Variants in IGSF10 observed in about 807,000 individuals in gnomAD.
IGSF10 encodes calvaria mechanical force protein 608.
Under a neutral mutation model 128.2 loss-of-function variants are expected in IGSF10, and 126 were observed. That is an observed-to-expected ratio of 0.98 (90% CI 0.85 to 1.14). The LOEUF is 1.14. IGSF10 is among the 50% of genes most tolerant of loss of function. IGSF10 has a pLI of 0.00. For synonymous variants in IGSF10, 1,185 were observed against 1,146.2 expected (o/e 1.03, Z -0.68); for missense variants, 3,295 against 3,149.8 (o/e 1.05, Z -1.10).
At position 151,453,413 on chromosome 3, in the gene IGSF10, C is replaced by T. The variant is rs764558798; in HGVS notation, c.686G>A (p.Trp229Ter). ...NPWTCDCHLKWLSDWIQEKPD... is the reference protein window; with the variant it reads ...NPWTCDCHLK Reference sequence around the variant, plus strand: ...CTTCTCCTGTATCCAGTCAGACAACCACTTTAAATGGCAATCACAGGTCCA... The same window carrying T: ...CTTCTCCTGTATCCAGTCAGACAACTACTTTAAATGGCAATCACAGGTCCA... Residue 229 changes from tryptophan to a stop codon, truncating the protein, a stop_gained, in exon 5 of 8, where the codon TGG (tryptophan) becomes TAG (stop). Transcript: ENST00000282466. LOFTEE classifies it high-confidence loss of function. 7 of 1,603,652 alleles carry T rather than the reference C, an allele frequency of 4.4e-6. No individual in the cohort carries two copies. Among genetic ancestry groups the T allele is most frequent in the African/African-American group, 1.3e-5 (1 of 74,198 alleles).
the IGSF10 span, among the ~76,000 whole-genome samples, chr3:151,493,856 C>G: frequency 2.1e-4 from 1 of 4,758 alleles, no homozygotes; most frequent in African/African-American, 9.9e-4. Context: ...GTTTAAAAAA[C>G]AAACAAACAA....
chr3:151,474,319 C>G, the IGSF10 span, among the ~76,000 whole-genome samples: 2 of 152,056 alleles, frequency 1.3e-5, no homozygotes, highest in South Asian at 4.1e-4. Flanking sequence ...TACCAAATAC[C>G]TTAAAGAAAT....
the IGSF10 span, among the ~76,000 whole-genome samples, chr3:151,509,697 T>A: frequency 6.6e-6 from 1 of 152,146 alleles, no homozygotes; most frequent in African/African-American, 2.4e-5. Flanking sequence ...ACCCGGGAAG[T>A]GCAAGGGGTT....
chr3:151,481,929 G>A, the IGSF10 span, among the ~76,000 whole-genome samples: 4 of 152,066 alleles, frequency 2.6e-5, no homozygotes, highest in Admixed American at 6.6e-5. Context: ...CTCAGTCATC[G>A]CTAACATTGA....
At chr3:151,570,210 T>C in the IGSF10 span, among the ~76,000 whole-genome samples, 1 of 152,212 alleles carries the variant, frequency 6.6e-6, no homozygotes, top group African/African-American at 2.4e-5. Flanking sequence ...TGCATGTGTC[T>C]TCATAGTAGC....
At chr3:151,441,073 C>T (rs1314508576) in intron 7 of IGSF10, among the ~76,000 whole-genome samples, 2 of 152,124 alleles carry the variant, frequency 1.3e-5, no homozygotes, top group Non-Finnish European at 2.9e-5. Flanking sequence ...CTTATTAAAA[C>T]AAAATCAGAG....
At chr3:151,546,941 T>G in the IGSF10 span, among the ~76,000 whole-genome samples, 2 of 152,116 alleles carry the variant, frequency 1.3e-5, no homozygotes, top group Admixed American at 6.5e-5. Flanking sequence ...CGGCTAATTT[T>G]TATATAATTA....
the IGSF10 span, among the ~76,000 whole-genome samples, chr3:151,573,127 C>A: frequency 6.6e-6 from 1 of 152,108 alleles, no homozygotes; most frequent in African/African-American, 2.4e-5. Flanking sequence ...TTTATATTTG[C>A]TGAGGAGTGC....
chr3:151,543,211 G>A, the IGSF10 span, among the ~76,000 whole-genome samples: 6 of 152,284 alleles, frequency 3.9e-5, no homozygotes, highest in Admixed American at 6.5e-5. Flanking sequence ...AGGTTCAGGG[G>A]TCTGGGTCCA....
At chr3:151,518,539 A>AG in the IGSF10 span, among the ~76,000 whole-genome samples, 1 of 152,054 alleles carries the variant, frequency 6.6e-6, no homozygotes, top group Non-Finnish European at 1.5e-5. Context: ...AATTGTCACC[A>AG]GAACAATTGC....
rs373062982 is a variant in IGSF10 at position 151,445,134 on chromosome 3, G to T, written c.4847C>A (p.Thr1616Lys). 1.4e-5 allele frequency: 23 copies of T among 1,614,036 alleles called. No individual in the cohort carries two copies. The highest frequency in any genetic ancestry group is 1.9e-5 in the Non-Finnish European group (23 of 1,180,008). ...TTTCTTATCAAAGTCACTCTTCTTT[G>T]TGTTCTTCTGTCCATCCCAATCTGA... Reference protein sequence around the residue: ...LVSDWDGQKNTKKSDFDKKPV... With the variant: ...LVSDWDGQKNKKKSDFDKKPV... The change falls in exon 6 of 8, where the codon ACA becomes AAA. Residue 1616 changes from threonine (T) to lysine (K), a missense_variant. Physicochemically the swap from Thr to Lys is moderately conservative, Grantham distance 78 (BLOSUM62 -1). Transcript: ENST00000282466.
the IGSF10 span, among the ~76,000 whole-genome samples, chr3:151,531,342 AC>A: frequency 6.6e-6 from 1 of 152,226 alleles, no homozygotes; most frequent in Non-Finnish European, 1.5e-5. Context: ...GACCTAATAG[AC>A]ATCTACAGAA....
the IGSF10 span, among the ~76,000 whole-genome samples, chr3:151,555,314 A>G: frequency 6.6e-6 from 1 of 152,048 alleles, no homozygotes. Context: ...CATAAAACAG[A>G]TGAGACAGAC....
At chr3:151,510,234 C>G in the IGSF10 span, among the ~76,000 whole-genome samples, 1 of 152,184 alleles carries the variant, frequency 6.6e-6, no homozygotes, top group African/African-American at 2.4e-5. Context: ...CCAGTAGGGG[C>G]GGACTGACAC....
the IGSF10 span, among the ~76,000 whole-genome samples, chr3:151,614,213 A>C: frequency 2.0e-5 from 3 of 152,194 alleles, no homozygotes; most frequent in African/African-American, 7.2e-5. Flanking sequence ...ACACTTTTAC[A>C]CTGTTGGTGG....
At chr3:151,544,993 C>T in the IGSF10 span, among the ~76,000 whole-genome samples, 1 of 152,220 alleles carries the variant, frequency 6.6e-6, no homozygotes, top group African/African-American at 2.4e-5. Flanking sequence ...CTTTATCTTT[C>T]ATATCTGTTG....
chr3:151,463,163 A>G (rs190351063), upstream of IGSF10, among the ~76,000 whole-genome samples: 1 of 152,310 alleles, frequency 6.6e-6, no homozygotes, highest in East Asian at 1.9e-4. Context: ...TTTATGAGAT[A>G]AATCTCTACA....
chr3:151,561,342 A>T, the IGSF10 span, among the ~76,000 whole-genome samples: 1 of 152,192 alleles, frequency 6.6e-6, no homozygotes, highest in African/African-American at 2.4e-5. Flanking sequence ...ATGAGAACTT[A>T]GTCTACTTCC....
chr3:151,481,234 C>T, the IGSF10 span, among the ~76,000 whole-genome samples: 1 of 152,162 alleles, frequency 6.6e-6, no homozygotes, highest in Admixed American at 6.5e-5. Context: ...CCAGGCTGAA[C>T]AGGTATAGCA....
Sources: allele counts gnomAD v4.1 joint callset (sites outside exome capture counted in the v4.1 genomes callset), GRCh38; gene constraint gnomAD v4.1.1; transcripts MANE v1.5; gene names NCBI Gene and HGNC (gene_info 2026-07-23, HGNC 2026-07-21).